The following ZFPM2 variants were observed in gnomAD, a reference collection of about 807,000 sequenced individuals.
ZFPM2 encodes the protein zinc finger protein, FOG family member 2.
A neutral mutation model predicts 98.6 loss-of-function variants in ZFPM2; 20 were observed. That is an observed-to-expected ratio of 0.20 (90% CI 0.14 to 0.29). ZFPM2 has a LOEUF of 0.29. ZFPM2 is among the 10% of genes least tolerant of loss of function. The pLI, the probability that ZFPM2 is intolerant of heterozygous loss-of-function variation, is 1.00. For missense variants in ZFPM2, 1,310 were observed against 1,388.6 expected, an observed-to-expected ratio of 0.94 and a Z score of 0.90; for synonymous variants, 518 against 502.7, an observed-to-expected ratio of 1.03 and a Z score of -0.41.
intron 3 of ZFPM2, among the ~76,000 whole-genome samples, chr8:105,536,245 A>C (rs1294519071): frequency 6.6e-6 from 1 of 152,116 alleles, no homozygotes; most frequent in Non-Finnish European, 1.5e-5. Context: ...TTAATAATGA[A>C]TGTGGTCTAT....
intron 3 of ZFPM2, among the ~76,000 whole-genome samples, chr8:105,520,328 A>G (rs1380099350): frequency 6.6e-6 from 1 of 152,142 alleles, no homozygotes; most frequent in Non-Finnish European, 1.5e-5. Context: ...CTTAATATAT[A>G]TATTTGGGCA....
intron 3 of ZFPM2, among the ~76,000 whole-genome samples, chr8:105,446,533 G>C (rs755904028): frequency 1.3e-5 from 2 of 152,112 alleles, no homozygotes; most frequent in Non-Finnish European, 2.9e-5. Flanking sequence ...TAATAAAAGA[G>C]GGGGAGAGAA....
intron 4 of ZFPM2, among the ~76,000 whole-genome samples, chr8:105,582,726 T>C (rs1373472283): frequency 6.6e-6 from 1 of 152,100 alleles, no homozygotes; most frequent in Non-Finnish European, 1.5e-5. Context: ...CCTGAGTAGC[T>C]GGGACCACAA....
At chr8:105,500,487 C>A (rs1242308804) in intron 3 of ZFPM2, among the ~76,000 whole-genome samples, 1 of 151,742 alleles carries the variant, frequency 6.6e-6, no homozygotes, top group African/African-American at 2.4e-5. Context: ...TAATTTTTTC[C>A]AAGAACAGTT....
intron 3 of ZFPM2, among the ~76,000 whole-genome samples, chr8:105,511,337 G>A (rs1813813679): frequency 6.6e-6 from 1 of 152,202 alleles, no homozygotes; most frequent in Non-Finnish European, 1.5e-5. Flanking sequence ...AACCGATGAT[G>A]TATAAGTTGT....
At chr8:105,764,295 C>T (rs1398477713) in intron 5 of ZFPM2, among the ~76,000 whole-genome samples, 2 of 123,190 alleles carry the variant, frequency 1.6e-5, no homozygotes, top group African/African-American at 5.5e-5. Flanking sequence ...CTGACACACA[C>T]ACACACACAC....
In ZFPM2 at chr8:105,759,658, G is replaced by C. The variant is rs1812693590; in HGVS notation, c.533-29060G>C. Among the ~76,000 whole-genome samples, 4 of 151,094 alleles carry C rather than the reference G, an allele frequency of 2.6e-5. No individual in the cohort carries two copies. The South Asian group carries it at 8.4e-4, about 32-fold the overall frequency. ...ATTCAAATGGATAATAACTTGCTAGGGTTAAGGAACTTGACTTTATTATTA... is the reference window on the plus strand; with the variant it reads ...ATTCAAATGGATAATAACTTGCTAGCGTTAAGGAACTTGACTTTATTATTA... On this transcript the variant is annotated intron_variant, in intron 5 of 7. Coordinates refer to ENST00000407775, the MANE Select transcript of ZFPM2 (RefSeq NM_012082.4).
chr8:105,443,032 C>T (rs1053994831), intron 2 of ZFPM2, among the ~76,000 whole-genome samples: 30 of 151,730 alleles, frequency 2.0e-4, no homozygotes, highest in African/African-American at 6.5e-4. Flanking sequence ...CATTATTGGC[C>T]GGGCACAGTG....
intron 3 of ZFPM2, among the ~76,000 whole-genome samples, chr8:105,498,384 A>G (rs1813518797): frequency 6.6e-6 from 1 of 152,194 alleles, no homozygotes; most frequent in African/African-American, 2.4e-5. Context: ...TTATTTAGAC[A>G]TGTGCTGATT....
At position 105,801,360 on chromosome 8, in the gene ZFPM2, C is replaced by T; in HGVS notation, c.1278C>T (p.Ala426=). The T allele has an allele frequency of 6.2e-7, 1 of 1,613,922 alleles. No homozygotes were observed. The highest frequency in any genetic ancestry group is 8.5e-7 in the Non-Finnish European group (1 of 1,179,876). The change falls in exon 8 of 8, where the codon GCC becomes GCT. Residue 426 remains alanine (A), a synonymous_variant. Coordinates refer to ENST00000407775, the MANE Select transcript of ZFPM2 (RefSeq NM_012082.4). ...GCGAACTTCCCCAGAGCCAAAAGGC[C>T]ATGCAGACTAAAGATGCGAGCTCTG... The part of the protein sequence containing the change: ...TRSELPQSQK[A]MQTKDASSDT...
At chr8:105,686,751 T>A (rs1810745984) in intron 5 of ZFPM2, among the ~76,000 whole-genome samples, 1 of 152,204 alleles carries the variant, frequency 6.6e-6, no homozygotes, top group South Asian at 2.1e-4. Flanking sequence ...ATGAAAATTT[T>A]AAAAAATCAT....
chr8:105,714,201 TG>T (rs1811465874), intron 5 of ZFPM2, among the ~76,000 whole-genome samples: 1 of 152,002 alleles, frequency 6.6e-6, no homozygotes, highest in Non-Finnish European at 1.5e-5. Flanking sequence ...TCCTAGGGTG[TG>T]TGTGGGGAGG....
intron 4 of ZFPM2, among the ~76,000 whole-genome samples, chr8:105,605,288 CAAAG>C (rs1683198517): frequency 6.6e-6 from 1 of 151,868 alleles, no homozygotes; most frequent in African/African-American, 2.4e-5. Flanking sequence ...CTTTCATTAC[CAAAG>C]AAAGGCAGTT....
chr8:105,539,620 C>T (rs1479480703), intron 3 of ZFPM2, among the ~76,000 whole-genome samples: 1 of 152,112 alleles, frequency 6.6e-6, no homozygotes, highest in Non-Finnish European at 1.5e-5. Context: ...AAACTGACCT[C>T]CAGCAATTTA....
At position 105,329,391 on chromosome 8, in the gene ZFPM2, C is replaced by T. The variant is rs140332941; in HGVS notation, c.40+10410C>T. The stretch of plus-strand genomic sequence containing the variant: ...TCATTTAAAGGCATGAAGATTCAGT[C>T]TACAAACAGAAATGTGTGACTACTT... On this transcript the variant is annotated intron_variant, in intron 1 of 7. Coordinates refer to ENST00000407775, the MANE Select transcript of ZFPM2 (RefSeq NM_012082.4). Among the ~76,000 whole-genome samples the T allele has an allele frequency of 3.3e-5, 5 of 151,910 alleles. No homozygotes were observed. The East Asian group carries it at 9.7e-4, about 29-fold the overall frequency.
chr8:105,580,823 C>CTATATATA (rs1458179596), intron 4 of ZFPM2, among the ~76,000 whole-genome samples: 104 of 129,338 alleles, frequency 8.0e-4, no homozygotes, highest in African/African-American at 2.3e-3. Flanking sequence ...CTCTCTCTCT[C>CTATATATA]TCTCTATATA....
intron 4 of ZFPM2, among the ~76,000 whole-genome samples, chr8:105,582,321 G>A (rs1468991853): frequency 6.6e-6 from 1 of 152,136 alleles, no homozygotes; most frequent in Non-Finnish European, 1.5e-5. Context: ...TTAATTCAGT[G>A]GCTCTTAACT....
intron 1 of ZFPM2, among the ~76,000 whole-genome samples, chr8:105,414,656 G>A (rs1811644216): frequency 6.6e-6 from 1 of 150,632 alleles, no homozygotes; most frequent in South Asian, 2.1e-4. Context: ...TTACTCCAGT[G>A]GCTATGGATG....
intron 3 of ZFPM2, among the ~76,000 whole-genome samples, chr8:105,478,617 C>G (rs1813056680): frequency 6.6e-6 from 1 of 152,166 alleles, no homozygotes; most frequent in Non-Finnish European, 1.5e-5. Flanking sequence ...ATTTATGTTT[C>G]ATAAAATCTG....
Sources: allele counts gnomAD v4.1 joint callset (sites outside exome capture counted in the v4.1 genomes callset), GRCh38; gene constraint gnomAD v4.1.1; transcripts MANE v1.5; gene names NCBI Gene and HGNC (gene_info 2026-07-23, HGNC 2026-07-21).